CCDC39: variants seen among roughly 807,000 people sequenced by gnomAD.
CCDC39 encodes coiled-coil domain 39 molecular ruler complex subunit.
CCDC39 carries 113 observed loss-of-function variants against 121.0 expected under a neutral mutation model. That is an observed-to-expected ratio of 0.93 (90% CI 0.80 to 1.09). The LOEUF is 1.09. Ranked by LOEUF, CCDC39 falls within the 50% of genes least tolerant of loss-of-function variation. The pLI is 0.00. For missense variants in CCDC39, 1,063 were observed against 1,074.7 expected, an observed-to-expected ratio of 0.99 and a Z score of 0.15; for synonymous variants, 349 against 352.2, an observed-to-expected ratio of 0.99 and a Z score of 0.10.
intron 9 of CCDC39, 51 bp downstream of exon 9, chr3:180,651,350 A>G: frequency 6.9e-7 from 1 of 1,450,324 alleles, no homozygotes; most frequent in Non-Finnish European, 9.4e-7. Flanking sequence ...TAATTAATTC[A>G]CTGTTGCTAA....
At chr3:180,658,377 C>T (rs1393042546) in intron 6 of CCDC39, among the ~76,000 whole-genome samples, 1 of 151,392 alleles carries the variant, frequency 6.6e-6, no homozygotes, top group Non-Finnish European at 1.5e-5. Context: ...AGGTGGATCA[C>T]GAGGTCAGGA....
At chr3:180,675,639 C>T (rs1351752425) in intron 1 of CCDC39, among the ~76,000 whole-genome samples, 1 of 152,152 alleles carries the variant, frequency 6.6e-6, no homozygotes, top group Non-Finnish European at 1.5e-5. Context: ...TTTCCCTCTA[C>T]ACACTGCTTT....
At position 180,652,254 on chromosome 3, in the gene CCDC39, T is replaced by G; in HGVS notation, c.943A>C (p.Lys315Gln). The change falls in exon 8 of 20, where the codon AAA becomes CAA. Residue 315 changes from lysine (K) to glutamine (Q), a missense_variant. Physicochemically the swap from Lys to Gln is moderately conservative, Grantham distance 53. Coordinates refer to ENST00000476379, the MANE Select transcript of CCDC39 (RefSeq NM_181426.2). Reference sequence around the variant, plus strand: ...CTGGAAGTTCTATTCACAGTGGCTTTTAAAGAATCCAGCTATTTATTAGTT... The same window carrying G: ...CTGGAAGTTCTATTCACAGTGGCTTGTAAAGAATCCAGCTATTTATTAGTT... ...IQLKGELDSL[K>Q]ATVNRTSSDL... The G allele has an allele frequency of 6.6e-7, 1 of 1,516,868 alleles. No individual in the cohort carries two copies. The highest frequency in any genetic ancestry group is 8.9e-7 in the Non-Finnish European group (1 of 1,129,068). The allele number at this position is 1,516,868 out of a possible 1,614,324, so 94.0% of individuals were successfully genotyped here.
At chr3:180,632,515 ATCAC>A (rs1223370009) in intron 13 of CCDC39, among the ~76,000 whole-genome samples, 4 of 152,186 alleles carry the variant, frequency 2.6e-5, no homozygotes, top group Non-Finnish European at 4.4e-5. Context: ...ATTTTTAATT[ATCAC>A]TCATTTCCTC....
chr3:180,653,811 A>C (rs1469673682), intron 7 of CCDC39, among the ~76,000 whole-genome samples: 1 of 152,086 alleles, frequency 6.6e-6, no homozygotes, highest in African/African-American at 2.4e-5. Context: ...CCTTATATAA[A>C]ATGACATGTA....
chr3:180,663,084 C>A (rs1037040080), intron 2 of CCDC39, among the ~76,000 whole-genome samples: 30 of 152,018 alleles, frequency 2.0e-4, no homozygotes, highest in Admixed American at 1.2e-3. Context: ...TTCTAAGATG[C>A]CTAATGTCTT....
chr3:180,669,807 A>C (rs1257596774), intron 1 of CCDC39, among the ~76,000 whole-genome samples: 1 of 152,134 alleles, frequency 6.6e-6, no homozygotes, highest in Non-Finnish European at 1.5e-5. Flanking sequence ...GATTATCTTG[A>C]CCAGTATCTA....
chr3:180,622,975 G>T (rs369260558), intron 14 of CCDC39, among the ~76,000 whole-genome samples: 1 of 151,830 alleles, frequency 6.6e-6, no homozygotes, highest in African/African-American at 2.4e-5. Context: ...CAATATTTTG[G>T]AACAGTTTCA....
At chr3:180,637,167 T>C (rs919905253) in intron 13 of CCDC39, among the ~76,000 whole-genome samples, 5 of 152,284 alleles carry the variant, frequency 3.3e-5, no homozygotes, top group South Asian at 2.1e-4. Flanking sequence ...GAGAAAATTT[T>C]TGCAAACTCT....
At chr3:180,641,182 A>G (rs939769810) in intron 13 of CCDC39, among the ~76,000 whole-genome samples, 1 of 152,130 alleles carries the variant, frequency 6.6e-6, no homozygotes, top group Non-Finnish European at 1.5e-5. Flanking sequence ...TCTTGTCAAT[A>G]AGTGCTGAGA....
chr3:180,659,277 T>C (rs1657106238), intron 6 of CCDC39, among the ~76,000 whole-genome samples, 175 bp downstream of exon 6: 1 of 152,216 alleles, frequency 6.6e-6, no homozygotes, highest in South Asian at 2.1e-4. Flanking sequence ...CAAATAATCT[T>C]CATCACATTT....
chr3:180,657,350 C>T (rs1328969684), intron 6 of CCDC39, among the ~76,000 whole-genome samples: 2 of 152,140 alleles, frequency 1.3e-5, no homozygotes, highest in Non-Finnish European at 2.9e-5. Context: ...CAGGGAGCTA[C>T]TAGTTGTGTA....
Position 180,654,200 on chromosome 3 carries a change from A to G in CCDC39, c.930+562T>C, listed in dbSNP as rs1576946922. On this transcript the variant is annotated intron_variant, in intron 7 of 19. Coordinates refer to ENST00000476379, the MANE Select transcript of CCDC39 (RefSeq NM_181426.2). Reference sequence around the variant, plus strand: ...ATAGTCTCTTCAATCAATGATGTTAAGAAAACTGGATAGCCACACGCAAAA... The same window carrying G: ...ATAGTCTCTTCAATCAATGATGTTAGGAAAACTGGATAGCCACACGCAAAA... Among the ~76,000 whole-genome samples, 5 of 149,094 alleles carry G rather than the reference A, an allele frequency of 3.4e-5. 1 individual carries two copies. Among genetic ancestry groups the G allele is most frequent in the Admixed American group, 3.3e-4 (5 of 14,990 alleles).
At chr3:180,654,565 T>G (rs1470469457) in intron 7 of CCDC39, among the ~76,000 whole-genome samples, 197 bp downstream of exon 7, 2 of 147,706 alleles carry the variant, frequency 1.4e-5, no homozygotes, top group African/African-American at 2.5e-5. Context: ...TGGCGCCCCG[T>G]GGTGCTTAAT....
Position 180,651,466 on chromosome 3 carries a change from T to C in CCDC39, c.1102A>G (p.Met368Val), listed in dbSNP as rs564446820. 91 of 1,552,408 alleles carry C rather than the reference T, an allele frequency of 5.9e-5. No individual in the cohort carries two copies. In the East Asian group the frequency reaches 2.1e-3, roughly 36 times the overall value. ...TTAGTAGCTTTCTCTTCTACAGACA[T>C]GGTTTTCTCAGTTATCTCCTTTAAT... Reference protein sequence around the residue: ...TKLKEITEKTMSVEEKATNLE... With the variant: ...TKLKEITEKTVSVEEKATNLE... The change falls in exon 9 of 20, where the codon ATG becomes GTG. Residue 368 changes from methionine (M) to valine (V), a missense_variant. Coordinates refer to ENST00000476379, the MANE Select transcript of CCDC39 (RefSeq NM_181426.2).
intron 1 of CCDC39, among the ~76,000 whole-genome samples, chr3:180,673,993 AG>A (rs1712121074): frequency 6.6e-6 from 1 of 152,132 alleles, no homozygotes; most frequent in South Asian, 2.1e-4. Flanking sequence ...ATTTTAAAGT[AG>A]TTTTTTCCAG....
intron 1 of CCDC39, among the ~76,000 whole-genome samples, chr3:180,665,335 G>T (rs1351366535): frequency 6.6e-6 from 1 of 152,118 alleles, no homozygotes; most frequent in Non-Finnish European, 1.5e-5. Context: ...GTCCCTCAAA[G>T]CAGCATATAA....
intron 13 of CCDC39, among the ~76,000 whole-genome samples, chr3:180,636,912 C>T (rs764540817): frequency 2.6e-5 from 4 of 152,044 alleles, no homozygotes; most frequent in Non-Finnish European, 5.9e-5. Context: ...TTTCTTATAC[C>T]ACATATAAAA....
At chr3:180,637,369 T>TA (rs1243047803) in intron 13 of CCDC39, among the ~76,000 whole-genome samples, 10 of 152,222 alleles carry the variant, frequency 6.6e-5, no homozygotes, top group Admixed American at 3.9e-4. Context: ...CACAACGAGA[T>TA]ACCATCTCAC....
Sources: gnomAD v4.1 joint callset for allele counts (sites outside exome capture counted in the v4.1 genomes callset) on GRCh38, gnomAD v4.1.1 for gene constraint, MANE v1.5 for transcripts, NCBI Gene and HGNC (gene_info 2026-07-23, HGNC 2026-07-21) for gene names.